The following SDS variants were observed in gnomAD, a reference collection of about 807,000 sequenced individuals.
SDS encodes serine dehydratase.
Under a neutral mutation model 29.3 loss-of-function variants are expected in SDS, and 19 were observed. The observed-to-expected ratio is 0.65, with a 90% confidence interval of 0.45 to 0.95. The LOEUF (loss-of-function observed/expected upper bound fraction) is 0.95, where lower values mean the gene tolerates loss of function less well. Among genes scored for constraint, SDS ranks in the 40% least tolerant of loss-of-function variants. The probability of loss-of-function intolerance (pLI) is 0.00; values close to 1 mark genes in which losing one functional copy is unlikely to be tolerated. For missense variants in SDS, 375 were observed against 439.9 expected, an observed-to-expected ratio of 0.85 and a Z score of 1.32; for synonymous variants, 176 against 189.0, an observed-to-expected ratio of 0.93 and a Z score of 0.56.
At chr12:113,402,210 T>C (rs934904972) in intron 1 of SDS, among the ~76,000 whole-genome samples, 1 of 152,172 alleles carries the variant, frequency 6.6e-6, no homozygotes, top group African/African-American at 2.4e-5. Context: ...AATCAGAGAC[T>C]GGGGCAAACT....
intron 6 of SDS, among the ~76,000 whole-genome samples, chr12:113,395,686 C>T (rs1273049206): frequency 1.3e-5 from 2 of 152,222 alleles, no homozygotes; most frequent in Non-Finnish European, 2.9e-5. Context: ...TGAAACACTA[C>T]ATGCTAAGGA....
At chr12:113,398,077 G>GTT (rs1175436592) in intron 5 of SDS, among the ~76,000 whole-genome samples, 8 of 117,944 alleles carry the variant, frequency 6.8e-5, no homozygotes, top group African/African-American at 1.2e-4. Context: ...TTTTTTTTTT[G>GTT]TTTTTTTTTT....
intron 1 of SDS, among the ~76,000 whole-genome samples, chr12:113,400,679 A>AT (rs200466994): frequency 1.9e-4 from 28 of 150,964 alleles, no homozygotes; most frequent in Admixed American, 1.2e-3. Context: ...TTTTATTTGA[A>AT]TTTTTTTTTG....
rs1593296729 is a variant in SDS at position 113,393,954 on chromosome 12, T to G, written c.716A>C (p.His239Pro). ...GAQALKLFQE[H>P]PIFSEVISDQ... ...CGAGATAACTTCAGAGAAAATGGGG[T>G]GTTCCTGAAACAGCTTCAGGGCCTG... Residue 239 changes from histidine (H) to proline (P), a missense_variant, in exon 7 of 8, where the codon CAC becomes CCC. Physicochemically the swap from His to Pro is moderately conservative, Grantham distance 77. Coordinates refer to ENST00000257549, the MANE Select transcript of SDS (RefSeq NM_006843.3). 1 of 1,613,792 alleles carries G rather than the reference T, an allele frequency of 6.2e-7. No homozygotes were observed. The highest frequency in any genetic ancestry group is 8.5e-7 in the Non-Finnish European group (1 of 1,179,964).
At position 113,398,543 on chromosome 12, in the gene SDS, T is replaced by C. The variant is rs1456602469; in HGVS notation, c.397A>G (p.Ile133Val). 6.3e-7 allele frequency: 1 copy of C among 1,592,818 alleles called. No homozygotes were observed. The highest frequency in any genetic ancestry group is 8.5e-7 in the Non-Finnish European group (1 of 1,170,868). Reference sequence around the variant, plus strand: ...ATGAGGGGGTCATCAAAGGGGGGAATGTAGACCCAACCCGGGTTGTTCTTC... The same window carrying C: ...ATGAGGGGGTCATCAAAGGGGGGAACGTAGACCCAACCCGGGTTGTTCTTC... ...LAKNNPGWVYIPPFDDPLIWE... is the reference protein window; with the variant it reads ...LAKNNPGWVYVPPFDDPLIWE... The change falls in exon 5 of 8, where the codon ATT becomes GTT. Residue 133 changes from isoleucine to valine, a missense_variant. Coordinates refer to ENST00000257549, the MANE Select transcript of SDS (RefSeq NM_006843.3).
chr12:113,396,584 TCC>T (rs1957648207), intron 6 of SDS: 1 of 112,308 alleles, frequency 8.9e-6, no homozygotes, highest in Middle Eastern at 4.0e-3. Flanking sequence ...CTTCCTTCCT[TCC>T]TTCCTTCCTT....
chr12:113,399,427 G>T, intron 2 of SDS, 129 bp downstream of exon 2: 3 of 1,155,258 alleles, frequency 2.6e-6, no homozygotes, highest in African/African-American at 1.6e-5. Context: ...AATGGTGGAC[G>T]CTCAGTCCTT....
intron 7 of SDS, 112 bp from the exon 8 acceptor site, chr12:113,393,261 G>A: frequency 9.6e-7 from 1 of 1,045,568 alleles, no homozygotes; most frequent in Non-Finnish European, 1.4e-6. Flanking sequence ...TCTCAGCCCT[G>A]GCTGCAGCCG....
intron 2 of SDS, 196 bp downstream of exon 2, chr12:113,399,360 T>C: frequency 1.2e-6 from 1 of 845,544 alleles, no homozygotes. Context: ...CTGATGGCTC[T>C]GGGATCAGTC....
chr12:113,398,981 G>A (rs889255887), intron 3 of SDS, 131 bp downstream of exon 3: 3 of 1,539,278 alleles, frequency 1.9e-6, no homozygotes, highest in African/African-American at 2.7e-5. Flanking sequence ...GCCTCCCCCT[G>A]GAATTCCAAA....
At position 113,398,585 on chromosome 12, in the gene SDS, G is replaced by A. The variant is rs965290426; in HGVS notation, c.355C>T (p.Leu119=). ...VGELLDEAFE[L]AKALAKNNPG... ...TTGTTCTTCGCTAGGGCCTTGGCCAGCTCGAAGGCTTCATCCAATAACTGC... is the reference window on the plus strand; with the variant it reads ...TTGTTCTTCGCTAGGGCCTTGGCCAACTCGAAGGCTTCATCCAATAACTGC... The change falls in exon 5 of 8, where the codon CTG becomes TTG. Residue 119 remains leucine (L), a synonymous_variant. Transcript: ENST00000257549. 1.9e-6 allele frequency: 3 copies of A among 1,595,328 alleles called. No individual in the cohort carries two copies. The highest frequency in any genetic ancestry group is 2.6e-6 in the Non-Finnish European group (3 of 1,169,320).
intron 6 of SDS, among the ~76,000 whole-genome samples, chr12:113,394,376 G>T (rs1308755044): frequency 7.2e-6 from 1 of 139,484 alleles, no homozygotes; most frequent in African/African-American, 2.7e-5. Context: ...GTCTTGCTCT[G>T]TTGCCCAGGC....
chr12:113,399,449 G>T, intron 2 of SDS, 107 bp downstream of exon 2: 2 of 1,305,804 alleles, frequency 1.5e-6, no homozygotes, highest in Non-Finnish European at 2.0e-6. Flanking sequence ...CGGGGAGTCA[G>T]TAGGCTTATC....
intron 4 of SDS, 29 bp downstream of exon 4, chr12:113,398,678 T>A (rs1330324008): frequency 6.2e-7 from 1 of 1,610,612 alleles, no homozygotes. Context: ...AGGCGCCCTC[T>A]CTCTTCCTTG....
At chr12:113,401,065 G>C (rs1957682097) in intron 1 of SDS, among the ~76,000 whole-genome samples, 1 of 152,070 alleles carries the variant, frequency 6.6e-6, no homozygotes, top group Non-Finnish European at 1.5e-5. Flanking sequence ...AGTGAGCCGA[G>C]ATCGCGCCAC....
At chr12:113,401,559 G>A (rs1414707020) in intron 1 of SDS, among the ~76,000 whole-genome samples, 1 of 152,100 alleles carries the variant, frequency 6.6e-6, no homozygotes, top group Non-Finnish European at 1.5e-5. Flanking sequence ...ACATTTTGGG[G>A]TAGTTTGGTA....
In SDS at chr12:113,399,677, G is replaced by T; in HGVS notation, c.32C>A (p.Thr11Asn). The part of the protein sequence containing the change: MMSGEPLHVK[T>N]PIRDSMALSK... ...CAGGGCCATGCTGTCACGGATGGGG[G>T]TCTTCACGTGCAGGGGTTCTCCAGA... Residue 11 changes from threonine to asparagine, a missense_variant, in exon 2 of 8, where the codon ACC becomes AAC. Thr to Asn is a moderately conservative substitution (Grantham distance 65). Transcript: ENST00000257549. 6.3e-7 allele frequency: 1 copy of T among 1,596,828 alleles called. No individual in the cohort carries two copies. Among genetic ancestry groups the T allele is most frequent in the Non-Finnish European group, 8.5e-7 (1 of 1,173,612 alleles).
chr12:113,396,110 G>A (rs1401657851), intron 6 of SDS, among the ~76,000 whole-genome samples: 1 of 152,078 alleles, frequency 6.6e-6, no homozygotes, highest in Non-Finnish European at 1.5e-5. Context: ...AAAAAACAAA[G>A]ACAAAAACAA....
intron 6 of SDS, among the ~76,000 whole-genome samples, chr12:113,394,824 T>TCTG (rs1045449861): frequency 2.6e-5 from 4 of 152,138 alleles, no homozygotes; most frequent in Non-Finnish European, 5.9e-5. Context: ...TTAGCACCAC[T>TCTG]CTGCCTGCCC....
Sources: gnomAD v4.1 joint callset for allele counts (sites outside exome capture counted in the v4.1 genomes callset) on GRCh38, gnomAD v4.1.1 for gene constraint, MANE v1.5 for transcripts, NCBI Gene and HGNC (gene_info 2026-07-23, HGNC 2026-07-21) for gene names.